Variants in KDM4C observed in about 807,000 individuals in gnomAD.
KDM4C encodes the protein lysine-specific demethylase 4C.
A neutral mutation model predicts 129.3 loss-of-function variants in KDM4C; 81 were observed. The ratio of observed to expected loss-of-function variants is 0.63; its 90% confidence interval spans 0.52 to 0.75. The LOEUF is 0.75. Among genes scored for constraint, KDM4C ranks in the 30% least tolerant of loss-of-function variants. The pLI, the probability that KDM4C is intolerant of heterozygous loss-of-function variation, is 0.00. For synonymous variants in KDM4C, 573 were observed against 456.1 expected (o/e 1.26, Z -3.26); for missense variants, 1,457 against 1,304.0 (o/e 1.12, Z -1.81).
intron 8 of KDM4C, among the ~76,000 whole-genome samples, chr9:6,952,287 G>A (rs1379882956): frequency 6.6e-6 from 1 of 151,840 alleles, no homozygotes; most frequent in Non-Finnish European, 1.5e-5. Context: ...ATGTCCAAGA[G>A]TAAAGGGTTA....
intron 19 of KDM4C, among the ~76,000 whole-genome samples, chr9:7,135,891 A>ACATCC (rs1841153579): frequency 6.6e-6 from 1 of 152,178 alleles, no homozygotes; most frequent in South Asian, 2.1e-4. Context: ...TTGGGAAGTC[A>ACATCC]CATCCCATCC....
intron 17 of KDM4C, among the ~76,000 whole-genome samples, chr9:7,081,242 A>G (rs1230676769): frequency 6.6e-6 from 1 of 152,170 alleles, no homozygotes; most frequent in South Asian, 2.1e-4. Context: ...CCACGTAGAC[A>G]CGTAGATATG....
chr9:6,760,351 G>A (rs1419531208), intron 1 of KDM4C, among the ~76,000 whole-genome samples: 2 of 151,658 alleles, frequency 1.3e-5, no homozygotes, highest in South Asian at 2.1e-4. Context: ...TCATCAGTTG[G>A]TAGACATTTG....
chr9:6,976,542 A>G (rs1018142445), intron 8 of KDM4C, among the ~76,000 whole-genome samples: 4 of 152,164 alleles, frequency 2.6e-5, no homozygotes, highest in Non-Finnish European at 5.9e-5. Flanking sequence ...ACACAGTCCC[A>G]TGTTTTTATA....
chr9:6,873,249 G>A (rs1047263577), intron 5 of KDM4C, among the ~76,000 whole-genome samples: 3 of 152,090 alleles, frequency 2.0e-5, no homozygotes, highest in Admixed American at 1.3e-4. Context: ...CACCCGCCTC[G>A]GCCTGGGATT....
At chr9:6,971,347 A>T (rs1352350202) in intron 8 of KDM4C, among the ~76,000 whole-genome samples, 1 of 152,206 alleles carries the variant, frequency 6.6e-6, no homozygotes, top group Non-Finnish European at 1.5e-5. Context: ...TTTGGATTTA[A>T]ATATATTAAA....
intron 12 of KDM4C, among the ~76,000 whole-genome samples, chr9:6,995,819 CT>C (rs1274409127): frequency 6.6e-6 from 1 of 152,078 alleles, no homozygotes; most frequent in Non-Finnish European, 1.5e-5. Context: ...CTACAGGCGC[CT>C]GCCACCACGC....
rs143113009 is a variant in KDM4C, at chr9:7,015,896, G to C, written c.2226G>C (p.Leu742=). ...IPSHEICDGW[L]CARCKRNAWT... ...CTCATGAGATCTGTGATGGATGGCT[G>C]TGTGCCCGGTGCAAAAGAAATGCGT... Residue 742 remains leucine (L), a synonymous_variant, in exon 15 of 22, where the codon CTG becomes CTC. Transcript: ENST00000381309. 1.8e-4 allele frequency: 285 copies of C among 1,612,924 alleles called. No homozygotes were observed. The highest frequency in any genetic ancestry group is 1.2e-3 in the Middle Eastern group (7 of 6,060).
chr9:7,076,602 T>C, intron 17 of KDM4C: 3 of 1,440,764 alleles, frequency 2.1e-6, no homozygotes, highest in Admixed American at 5.1e-5. Context: ...AGGATGGGGA[T>C]ACAATAGCCT....
chr9:7,041,299 C>T (rs1019413418), intron 15 of KDM4C, among the ~76,000 whole-genome samples: 3 of 151,846 alleles, frequency 2.0e-5, no homozygotes, highest in Non-Finnish European at 1.5e-5. Context: ...TTAAAGTATA[C>T]AGGAGGATAT....
At chr9:7,144,901 G>T (rs1314566699) in intron 19 of KDM4C, among the ~76,000 whole-genome samples, 1 of 152,250 alleles carries the variant, frequency 6.6e-6, no homozygotes, top group Admixed American at 6.5e-5. Context: ...TTTAGGCACC[G>T]TGATGTCTTT....
chr9:7,170,844 C>T lies in KDM4C; in HGVS notation c.2994+954C>T, dbSNP rs10976086. On this transcript the variant is annotated intron_variant, in intron 21 of 21. Coordinates refer to ENST00000381309, the MANE Select transcript of KDM4C (RefSeq NM_015061.6). ...CAGGGATGTCCAATCTTTTTGCATC[C>T]CTGGGCCATACTTGAAGAAGAAGAA... is the stretch of plus-strand genomic sequence containing the variant. The T allele has an allele frequency of 1.5e-3, 1,182 of 806,808 alleles. 77 individuals carry two copies. In the East Asian group the frequency reaches 0.11, roughly 73 times the overall value. The allele number at this position is 806,808 out of a possible 1,614,324, so 50.0% of individuals were successfully genotyped here.
At position 7,139,775 on chromosome 9, in the gene KDM4C, A is replaced by G. The variant is rs10815528; in HGVS notation, c.2781+11539A>G. Reference sequence around the variant, plus strand: ...ATTATTTATGCTGGAACTTTATCTCATATCATTATGTAAGCAGTGGTAGTT... The same window carrying G: ...ATTATTTATGCTGGAACTTTATCTCGTATCATTATGTAAGCAGTGGTAGTT... On this transcript the variant is annotated intron_variant, in intron 19 of 21. Transcript: ENST00000381309. Among the ~76,000 whole-genome samples the G allele has an allele frequency of 3.6e-3, 551 of 152,194 alleles. 3 individuals carry two copies. Among genetic ancestry groups the G allele is most frequent in the African/African-American group, 0.012 (501 of 41,538 alleles).
intron 8 of KDM4C, among the ~76,000 whole-genome samples, chr9:6,934,408 AG>A (rs1454666785): frequency 2.0e-5 from 3 of 149,744 alleles, no homozygotes; most frequent in African/African-American, 4.9e-5. Flanking sequence ...TGAACCCGGG[AG>A]GCGGAGCTTG....
intron 17 of KDM4C, among the ~76,000 whole-genome samples, chr9:7,098,109 T>C (rs13297081): frequency 0.16 from 24,596 of 152,300 alleles, 2,322 homozygotes; most frequent in South Asian, 0.34. Flanking sequence ...TCTGTTTGTG[T>C]CTGAAATGCC....
chr9:7,122,425 G>A (rs1368766452), intron 18 of KDM4C, among the ~76,000 whole-genome samples: 6 of 152,104 alleles, frequency 3.9e-5, no homozygotes, highest in Admixed American at 3.3e-4. Context: ...TTCAACATGA[G>A]CTTTGGGTGG....
intron 14 of KDM4C, among the ~76,000 whole-genome samples, chr9:7,014,951 CA>C (rs1823390492): frequency 6.9e-6 from 1 of 145,856 alleles, no homozygotes; most frequent in Non-Finnish European, 1.5e-5. Context: ...CACACACACA[CA>C]CCTTACATTA....
At chr9:7,011,104 T>C (rs1442210958) in intron 12 of KDM4C, among the ~76,000 whole-genome samples, 1 of 152,086 alleles carries the variant, frequency 6.6e-6, no homozygotes, top group Non-Finnish European at 1.5e-5. Context: ...TCTCTAGGGG[T>C]ATTTTATGAG....
chr9:6,775,591 C>G (rs144753219), intron 1 of KDM4C, among the ~76,000 whole-genome samples: 3 of 151,766 alleles, frequency 2.0e-5, no homozygotes, highest in African/African-American at 7.3e-5. Context: ...GGCACAATCT[C>G]GGCTCACTGC....
Sources: allele counts gnomAD v4.1 joint callset (sites outside exome capture counted in the v4.1 genomes callset), GRCh38; gene constraint gnomAD v4.1.1; transcripts MANE v1.5; gene names NCBI Gene and HGNC (gene_info 2026-07-23, HGNC 2026-07-21).